The following CRB1 variants were observed in gnomAD, a reference collection of about 807,000 sequenced individuals.
The protein encoded by CRB1 is crumbs cell polarity complex component 1.
In CRB1, 83 loss-of-function variants were observed where a neutral mutation model predicts 120.0. That is an observed-to-expected ratio of 0.69 (90% CI 0.58 to 0.83). CRB1 has a LOEUF of 0.83. Ranked by LOEUF, CRB1 falls within the 40% of genes least tolerant of loss-of-function variation. The probability of loss-of-function intolerance (pLI) is 0.00; values close to 1 mark genes in which losing one functional copy is unlikely to be tolerated. For missense variants in CRB1, 1,699 were observed against 1,687.6 expected (o/e 1.01, Z -0.12); for synonymous variants, 625 against 612.5 (o/e 1.02, Z -0.30).
intron 5 of CRB1, among the ~76,000 whole-genome samples, chr1:197,381,835 A>C (rs943443767): frequency 5.3e-5 from 8 of 152,242 alleles, no homozygotes; most frequent in African/African-American, 1.9e-4. Context: ...AACCATTAAG[A>C]TAATTGACTT....
chr1:197,250,980 A>G, the CRB1 span, among the ~76,000 whole-genome samples: 1 of 152,024 alleles, frequency 6.6e-6, no homozygotes, highest in Admixed American at 6.6e-5. Context: ...TCCTTACTTT[A>G]TATTGAAGTT....
At chr1:197,307,788 C>T (rs1308185440) in intron 1 of CRB1, among the ~76,000 whole-genome samples, 1 of 152,216 alleles carries the variant, frequency 6.6e-6, no homozygotes, top group Non-Finnish European at 1.5e-5. Context: ...ACAGCAGGCT[C>T]TTGTCCATTG....
At chr1:197,243,863 T>C in the CRB1 span, among the ~76,000 whole-genome samples, 2 of 152,320 alleles carry the variant, frequency 1.3e-5, no homozygotes, top group East Asian at 1.9e-4. Flanking sequence ...GCTCATGTAT[T>C]GGGTGCATAT....
the CRB1 span, among the ~76,000 whole-genome samples, chr1:197,201,712 A>G: frequency 4.6e-5 from 7 of 152,066 alleles, no homozygotes; most frequent in Admixed American, 4.6e-4. Context: ...AATAGTTTGT[A>G]ATCTACCAAA....
chr1:197,231,941 GT>G, the CRB1 span, among the ~76,000 whole-genome samples: 1,076 of 152,258 alleles, frequency 7.1e-3, 10 homozygotes, highest in African/African-American at 0.024. Context: ...AACCTTCATA[GT>G]TTAAGGGACT....
intron 1 of CRB1, among the ~76,000 whole-genome samples, chr1:197,320,425 T>C (rs1443816374): frequency 1.3e-5 from 2 of 152,206 alleles, no homozygotes; most frequent in East Asian, 1.9e-4. Flanking sequence ...TGGGGAAGTT[T>C]AGTAATTTTT....
At chr1:197,291,885 A>G (rs998647859) in intron 1 of CRB1, among the ~76,000 whole-genome samples, 6 of 152,118 alleles carry the variant, frequency 3.9e-5, no homozygotes, top group Middle Eastern at 3.4e-3. Flanking sequence ...CAAAGACACA[A>G]CTTACCAGAA....
the CRB1 span, among the ~76,000 whole-genome samples, chr1:197,252,300 C>T: frequency 6.6e-6 from 1 of 150,804 alleles, no homozygotes; most frequent in East Asian, 2.0e-4. Context: ...ACATAAAAAC[C>T]TATTCCATTC....
intron 5 of CRB1, among the ~76,000 whole-genome samples, chr1:197,420,348 GA>G (rs914296880): frequency 4.0e-5 from 6 of 150,736 alleles, no homozygotes; most frequent in East Asian, 3.9e-4. Flanking sequence ...CTTGGAATCA[GA>G]AAAAAAAAGT....
At chr1:197,419,322 C>T (rs1331464244) in intron 5 of CRB1, among the ~76,000 whole-genome samples, 1 of 150,050 alleles carries the variant, frequency 6.7e-6, no homozygotes, top group East Asian at 2.0e-4. Flanking sequence ...AATGAGAATA[C>T]ACTAAATTAT....
At chr1:197,258,951 T>A in the CRB1 span, among the ~76,000 whole-genome samples, 2 of 152,202 alleles carry the variant, frequency 1.3e-5, no homozygotes, top group Non-Finnish European at 2.9e-5. Flanking sequence ...ATTGAAAAGG[T>A]ATCAATTATC....
chr1:197,328,323 T>C, intron 1 of CRB1, 99 bp from the exon 2 acceptor site: 1 of 899,608 alleles, frequency 1.1e-6, no homozygotes, highest in Non-Finnish European at 1.7e-6. Flanking sequence ...TGTATTTTAT[T>C]AATGAGTTTG....
rs182580651 is a variant in CRB1 at position 197,340,794 on chromosome 1, G to T, written c.653-3487G>T. The stretch of plus-strand genomic sequence containing the variant: ...AATCAGCACAGGTGGGGAGATGAAG[G>T]TTATCATTATTTGGAATTGTGGAAT... On this transcript the variant is annotated intron_variant, in intron 2 of 11. Coordinates refer to ENST00000367400, the MANE Select transcript of CRB1 (RefSeq NM_201253.3). Among the ~76,000 whole-genome samples, 529 of 152,192 alleles carry T rather than the reference G, an allele frequency of 3.5e-3. 2 individuals are homozygous for T. The highest frequency in any genetic ancestry group is 0.012 in the African/African-American group (509 of 41,520).
intron 11 of CRB1, among the ~76,000 whole-genome samples, chr1:197,468,617 T>C (rs756358983): frequency 7.2e-5 from 11 of 152,236 alleles, no homozygotes; most frequent in African/African-American, 1.2e-4. Flanking sequence ...TTTTATATTA[T>C]TGGGAAGTTC....
At chr1:197,352,597 T>A (rs1233570361) in intron 4 of CRB1, among the ~76,000 whole-genome samples, 1 of 152,078 alleles carries the variant, frequency 6.6e-6, no homozygotes. Flanking sequence ...AGGTAGACAT[T>A]CAAGTTTAAG....
chr1:197,372,125 A>C (rs1182326746), intron 5 of CRB1, among the ~76,000 whole-genome samples: 1 of 152,164 alleles, frequency 6.6e-6, no homozygotes, highest in Non-Finnish European at 1.5e-5. Context: ...TGCAGCATTT[A>C]ATTAAGGAGA....
intron 1 of CRB1, among the ~76,000 whole-genome samples, chr1:197,277,846 C>G (rs1655301697): frequency 6.6e-6 from 1 of 151,826 alleles, no homozygotes; most frequent in Admixed American, 6.6e-5. Context: ...CACGTTTTTT[C>G]AAGGCCTACA....
At chr1:197,343,053 T>C (rs1010909255) in intron 2 of CRB1, among the ~76,000 whole-genome samples, 1 of 152,218 alleles carries the variant, frequency 6.6e-6, no homozygotes, top group African/African-American at 2.4e-5. Flanking sequence ...TAGAGTTTTT[T>C]ATTTTTTAAA....
upstream of CRB1, chr1:197,268,231 A>G: frequency 3.3e-6 from 2 of 607,700 alleles, no homozygotes; most frequent in South Asian, 3.7e-5. Context: ...GCTAAGAAGC[A>G]CAAACTGCAT....
Sources: gnomAD v4.1 joint callset for allele counts (sites outside exome capture counted in the v4.1 genomes callset) on GRCh38, gnomAD v4.1.1 for gene constraint, MANE v1.5 for transcripts, NCBI Gene and HGNC (gene_info 2026-07-23, HGNC 2026-07-21) for gene names.